The following CACNA1D variants were observed in gnomAD, a reference collection of about 807,000 sequenced individuals.
CACNA1D encodes voltage-dependent L-type calcium channel subunit alpha-1D.
CACNA1D carries 55 observed loss-of-function variants against 257.1 expected under a neutral mutation model. The observed-to-expected ratio is 0.21, with a 90% CI of 0.17 to 0.27. CACNA1D has a LOEUF of 0.27. Ranked by LOEUF, CACNA1D falls within the 10% of genes least tolerant of loss-of-function variation. The probability of loss-of-function intolerance (pLI) is 1.00; values close to 1 mark genes in which losing one functional copy is unlikely to be tolerated. For synonymous variants in CACNA1D, 980 were observed against 1,014.9 expected (o/e 0.97, Z 0.65); for missense variants, 1,876 against 2,784.0 (o/e 0.67, Z 7.34).
At position 53,808,687 on chromosome 3, in the gene CACNA1D, C is replaced by T. The variant is rs368181208; in HGVS notation, c.5788C>T (p.Arg1930Trp). 13 of 1,609,406 alleles carry T rather than the reference C, an allele frequency of 8.1e-6. No individual in the cohort carries two copies. Among genetic ancestry groups the T allele is most frequent in the South Asian group, 6.6e-5 (6 of 91,084 alleles). Residue 1930 changes from arginine to tryptophan, a missense_variant, in exon 46 of 48, where the codon CGG becomes TGG. Arg to Trp is a moderately radical substitution (Grantham distance 101, BLOSUM62 -3). Coordinates refer to ENST00000350061, the MANE Select transcript of CACNA1D (RefSeq NM_001128840.3). ...RSSFNFECLR[R>W]QSSQEEVPSS... ...CTCCTTCAACTTTGAGTGCCTGCGC[C>T]GGCAGAGCAGCCAGGAAGAGGTCCC...
At chr3:53,788,495 C>T (rs1321952134) in intron 40 of CACNA1D, among the ~76,000 whole-genome samples, 1 of 152,190 alleles carries the variant, frequency 6.6e-6, no homozygotes, top group Non-Finnish European at 1.5e-5. Context: ...CACAGCTAGC[C>T]TCCGAAAGAC....
At chr3:53,622,893 C>G (rs560039906) in intron 3 of CACNA1D, among the ~76,000 whole-genome samples, 1 of 150,474 alleles carries the variant, frequency 6.6e-6, no homozygotes, top group South Asian at 2.1e-4. Flanking sequence ...ATGAAAGAAG[C>G]CTTTTTTTTT....
At chr3:53,730,592 G>A (rs751674526) in intron 16 of CACNA1D, 36 bp downstream of exon 16, 1 of 1,465,224 alleles carries the variant, frequency 6.8e-7, no homozygotes, top group Non-Finnish European at 9.6e-7. Context: ...TTGTCCAGGG[G>A]CTGTGTTGGG....
chr3:53,767,579 A>C (rs1210486147), intron 30 of CACNA1D, among the ~76,000 whole-genome samples: 3 of 151,656 alleles, frequency 2.0e-5, no homozygotes, highest in South Asian at 2.1e-4. Context: ...AAAAAAAAAA[A>C]AACAACAAAA....
At chr3:53,781,419 C>T in intron 38 of CACNA1D, 147 bp from the exon 39 acceptor site, 1 of 676,372 alleles carries the variant, frequency 1.5e-6, no homozygotes, top group Non-Finnish European at 2.7e-6. Context: ...GTGTTTGCCC[C>T]TGACTGGGGA....
In CACNA1D at chr3:53,536,954, G is replaced by A. The variant is rs546483074; in HGVS notation, c.483+35234G>A. Reference sequence around the variant, plus strand: ...TTTTGAAGTTCAGCTTTTAACTTTCGGTTATTTTTCTTTCTACTTTTATTT... The same window carrying A: ...TTTTGAAGTTCAGCTTTTAACTTTCAGTTATTTTTCTTTCTACTTTTATTT... On this transcript the variant is annotated intron_variant, in intron 3 of 47. Coordinates refer to ENST00000350061, the MANE Select transcript of CACNA1D (RefSeq NM_001128840.3). Among the ~76,000 whole-genome samples the A allele has an allele frequency of 3.9e-5, 6 of 152,216 alleles. No individual in the cohort carries two copies. The South Asian group carries it at 1.0e-3, about 26-fold the overall frequency.
chr3:53,727,409 G>A (rs1384631468), intron 15 of CACNA1D, among the ~76,000 whole-genome samples: 4 of 152,208 alleles, frequency 2.6e-5, no homozygotes. Context: ...CGTGACTGAT[G>A]AGAGCCATCT....
intron 19 of CACNA1D, among the ~76,000 whole-genome samples, chr3:53,733,312 C>G (rs1373011910): frequency 6.6e-6 from 1 of 152,236 alleles, no homozygotes; most frequent in Non-Finnish European, 1.5e-5. Context: ...CTCTGGTGTT[C>G]CATGCTTCGG....
chr3:53,549,107 A>G (rs553358669), intron 3 of CACNA1D, among the ~76,000 whole-genome samples: 7 of 152,342 alleles, frequency 4.6e-5, no homozygotes, highest in African/African-American at 1.7e-4. Flanking sequence ...TAAGAATGAG[A>G]GAAACAGTCT....
Position 53,551,464 on chromosome 3 carries a change from C to T in CACNA1D, c.483+49744C>T, listed in dbSNP as rs556527080. On this transcript the variant is annotated intron_variant, in intron 3 of 47. Transcript: ENST00000350061. The stretch of plus-strand genomic sequence containing the variant: ...TGGGTACAGAAGCCTGGGTTGCTGC[C>T]GGGTATGACCCGACCTTCGTCTTGT... Among the ~76,000 whole-genome samples, 135 of 152,332 alleles carry T rather than the reference C, an allele frequency of 8.9e-4. 1 individual carries two copies. The highest frequency in any genetic ancestry group is 1.4e-3 in the Non-Finnish European group (95 of 68,024).
Position 53,810,237 on chromosome 3 carries a change from C to A in CACNA1D, c.6131C>A (p.Pro2044His), listed in dbSNP as rs752323240. Residue 2044 changes from proline (P) to histidine (H), a missense_variant, in exon 47 of 48, where the codon CCC becomes CAC. Physicochemically the swap from Pro to His is moderately conservative, Grantham distance 77. Coordinates refer to ENST00000350061, the MANE Select transcript of CACNA1D (RefSeq NM_001128840.3). Reference sequence around the variant, plus strand: ...TTCACACCAGCCAGCCTGACTGTCCCCAGCAGCTTCCGGAACAAAAACAGC... The same window carrying A: ...TTCACACCAGCCAGCCTGACTGTCCACAGCAGCTTCCGGAACAAAAACAGC... ...RTFTPASLTVPSSFRNKNSDK... is the reference protein window; with the variant it reads ...RTFTPASLTVHSSFRNKNSDK... The A allele has an allele frequency of 6.2e-7, 1 of 1,613,952 alleles. No homozygotes were observed. Among genetic ancestry groups the A allele is most frequent in the East Asian group, 2.2e-5 (1 of 44,876 alleles).
chr3:53,599,470 AG>A (rs1215318111), intron 3 of CACNA1D, among the ~76,000 whole-genome samples: 1 of 152,164 alleles, frequency 6.6e-6, no homozygotes, highest in Non-Finnish European at 1.5e-5. Context: ...AAGAGATAAA[AG>A]CTTAGACATC....
chr3:53,809,858 C>G, intron 46 of CACNA1D, 120 bp from the exon 47 acceptor site: 1 of 891,042 alleles, frequency 1.1e-6, no homozygotes, highest in South Asian at 1.3e-5. Context: ...ATGTCCTTTC[C>G]AAGTCCTTGC....
At chr3:53,535,466 T>C (rs556837504) in intron 3 of CACNA1D, among the ~76,000 whole-genome samples, 2 of 152,362 alleles carry the variant, frequency 1.3e-5, no homozygotes, top group African/African-American at 4.8e-5. Flanking sequence ...CTTAGAATTC[T>C]AGCCTCCTGA....
At chr3:53,546,412 G>A (rs1355789352) in intron 3 of CACNA1D, among the ~76,000 whole-genome samples, 1 of 152,112 alleles carries the variant, frequency 6.6e-6, no homozygotes, top group Non-Finnish European at 1.5e-5. Context: ...AGACTTTTCT[G>A]TATTGACATT....
At chr3:53,712,902 C>T (rs2094775166) in intron 9 of CACNA1D, among the ~76,000 whole-genome samples, 1 of 152,158 alleles carries the variant, frequency 6.6e-6, no homozygotes, top group African/African-American at 2.4e-5. Flanking sequence ...GGGCTCTGGG[C>T]TCAGTTTGAT....
chr3:53,682,275 C>A (rs2094436502), intron 8 of CACNA1D, among the ~76,000 whole-genome samples: 1 of 144,726 alleles, frequency 6.9e-6, no homozygotes, highest in Non-Finnish European at 1.5e-5. Flanking sequence ...CACCTGTAAT[C>A]CGAGCAATTC....
intron 43 of CACNA1D, among the ~76,000 whole-genome samples, chr3:53,802,730 GC>G (rs1191610104): frequency 5.3e-5 from 8 of 152,362 alleles, no homozygotes; most frequent in Middle Eastern, 3.4e-3. Context: ...GAAGTCGGGA[GC>G]CATGTGGGCC....
At chr3:53,701,020 A>G (rs1056239472) in intron 8 of CACNA1D, among the ~76,000 whole-genome samples, 3 of 151,658 alleles carry the variant, frequency 2.0e-5, no homozygotes, top group Non-Finnish European at 4.4e-5. Context: ...CTTGGTGAGG[A>G]TTCCAGTTTC....
Sources: allele counts gnomAD v4.1 joint callset (sites outside exome capture counted in the v4.1 genomes callset), GRCh38; gene constraint gnomAD v4.1.1; transcripts MANE v1.5; gene names NCBI Gene and HGNC (gene_info 2026-07-23, HGNC 2026-07-21).